The following CGNL1 variants were observed in gnomAD, a reference collection of about 807,000 sequenced individuals.
The protein encoded by CGNL1 is cingulin like 1.
In CGNL1, 132 loss-of-function variants were observed where a neutral mutation model predicts 141.2. That is an observed-to-expected ratio of 0.93 (90% CI 0.81 to 1.08). The LOEUF (loss-of-function observed/expected upper bound fraction) is 1.08, where lower values mean the gene tolerates loss of function less well. CGNL1 is among the 50% of genes least tolerant of loss of function. The probability of loss-of-function intolerance (pLI) is 0.00; values close to 1 mark genes in which losing one functional copy is unlikely to be tolerated. For missense variants in CGNL1, 1,870 were observed against 1,588.6 expected (o/e 1.18, Z -3.01); for synonymous variants, 690 against 622.1 (o/e 1.11, Z -1.63).
intron 16 of CGNL1, 126 bp from the exon 17 acceptor site, chr15:57,545,466 C>G: frequency 2.8e-6 from 2 of 716,292 alleles, no homozygotes; most frequent in Non-Finnish European, 4.6e-6. Context: ...AGTTGTGTTT[C>G]CCTGACCCTA....
intron 8 of CGNL1, among the ~76,000 whole-genome samples, chr15:57,480,696 C>T (rs1278324973): frequency 6.6e-6 from 1 of 152,016 alleles, no homozygotes; most frequent in African/African-American, 2.4e-5. Flanking sequence ...TTAAATGACC[C>T]ATATCCCGTC....
intron 14 of CGNL1, among the ~76,000 whole-genome samples, chr15:57,532,648 G>A (rs1348772879): frequency 3.3e-5 from 5 of 152,216 alleles, no homozygotes; most frequent in African/African-American, 4.8e-5. Flanking sequence ...CACTTGGAAA[G>A]TACTGTTATT....
At chr15:57,453,449 C>T (rs972128123) in intron 6 of CGNL1, among the ~76,000 whole-genome samples, 5 of 152,110 alleles carry the variant, frequency 3.3e-5, no homozygotes, top group African/African-American at 1.2e-4. Flanking sequence ...ATAACCATAC[C>T]CACTTTGTTG....
At chr15:57,507,018 C>T (rs12323972) in intron 8 of CGNL1, among the ~76,000 whole-genome samples, 18,529 of 152,156 alleles carry the variant, frequency 0.12, 1,795 homozygotes, top group East Asian at 0.45. Context: ...TGGGTAGCCA[C>T]CATCGCTATC....
rs1316328807 is a variant in CGNL1 at position 57,442,359 on chromosome 15, T to A, written c.1698-14T>A. 1 of 1,554,058 alleles carries A rather than the reference T, an allele frequency of 6.4e-7. No individual in the cohort carries two copies. Among genetic ancestry groups the A allele is most frequent in the African/African-American group, 1.4e-5 (1 of 73,828 alleles). ...TTGTGTCCCTCATTGTTTTCTCTGC[T>A]GTCCCTTTTTCAGAAGCACTGATAA... On this transcript the variant is annotated splice_polypyrimidine_tract_variant and intron_variant, in intron 3 of 18. Coordinates refer to ENST00000281282, the MANE Select transcript of CGNL1 (RefSeq NM_032866.5).
chr15:57,410,052 C>T (rs1257940255), intron 1 of CGNL1, among the ~76,000 whole-genome samples: 1 of 152,184 alleles, frequency 6.6e-6, no homozygotes, highest in Non-Finnish European at 1.5e-5. Flanking sequence ...GTTTGGGGTT[C>T]TGACCAGTGA....
At chr15:57,496,445 G>A (rs1665205229) in intron 8 of CGNL1, among the ~76,000 whole-genome samples, 1 of 152,104 alleles carries the variant, frequency 6.6e-6, no homozygotes, top group South Asian at 2.1e-4. Flanking sequence ...TTCTCGTTAT[G>A]AGAATCTGTA....
intron 8 of CGNL1, among the ~76,000 whole-genome samples, chr15:57,463,653 G>A (rs1160514030): frequency 6.6e-6 from 1 of 152,210 alleles, no homozygotes; most frequent in Non-Finnish European, 1.5e-5. Flanking sequence ...ATCTGATCGT[G>A]TCAGCCTTTG....
chr15:57,516,401 C>G (rs1212044155), intron 8 of CGNL1, among the ~76,000 whole-genome samples: 1 of 152,144 alleles, frequency 6.6e-6, no homozygotes, highest in East Asian at 1.9e-4. Context: ...AGGTCGAAAT[C>G]CCGTGTAAAG....
intron 8 of CGNL1, among the ~76,000 whole-genome samples, chr15:57,511,462 C>T (rs1243650489): frequency 6.6e-6 from 1 of 152,144 alleles, no homozygotes; most frequent in Non-Finnish European, 1.5e-5. Flanking sequence ...TGTCATTTTG[C>T]ACACATATGG....
chr15:57,418,167 A>C (rs1370936264), intron 1 of CGNL1, among the ~76,000 whole-genome samples: 3 of 152,128 alleles, frequency 2.0e-5, no homozygotes, highest in Admixed American at 1.3e-4. Context: ...TGGATCAGGG[A>C]TGCTGGGTTC....
intron 1 of CGNL1, among the ~76,000 whole-genome samples, chr15:57,424,132 G>A (rs1382893674): frequency 2.6e-5 from 4 of 152,268 alleles, no homozygotes; most frequent in South Asian, 2.1e-4. Flanking sequence ...TCTGCCCTCC[G>A]CGTCTCCCAC....
rs541279548 is a variant in CGNL1 at position 57,502,577 on chromosome 15, C to T, written c.2404-14203C>T. Among the ~76,000 whole-genome samples the T allele has an allele frequency of 7.4e-4, 112 of 152,238 alleles. 1 individual carries two copies. Among genetic ancestry groups the T allele is most frequent in the African/African-American group, 2.6e-3 (108 of 41,538 alleles). On this transcript the variant is annotated intron_variant, in intron 8 of 18. Transcript: ENST00000281282. ...TGGAGAAATGGAAACTTTGGTAGGT[C>T]AGAGAGAGGAAATAACCTTTATCTG...
intron 14 of CGNL1, among the ~76,000 whole-genome samples, chr15:57,539,121 C>T (rs1182535748): frequency 6.6e-6 from 1 of 152,168 alleles, no homozygotes; most frequent in Non-Finnish European, 1.5e-5. Context: ...CGATGCCTGC[C>T]TCTGCTCTGC....
At chr15:57,389,027 T>G (rs531523130) in intron 1 of CGNL1, among the ~76,000 whole-genome samples, 7 of 142,804 alleles carry the variant, frequency 4.9e-5, no homozygotes, top group Non-Finnish European at 6.0e-5. Context: ...TAGAGAGGTG[T>G]TTTTTTTTTC....
chr15:57,536,010 A>T (rs1256644135), intron 14 of CGNL1, among the ~76,000 whole-genome samples: 2 of 152,198 alleles, frequency 1.3e-5, no homozygotes, highest in Non-Finnish European at 2.9e-5. Context: ...GACATACCTG[A>T]GACTGGATAA....
chr15:57,416,328 C>A (rs928748893), intron 1 of CGNL1, among the ~76,000 whole-genome samples: 2 of 151,824 alleles, frequency 1.3e-5, no homozygotes, highest in African/African-American at 2.4e-5. Context: ...CCCAAAGTCT[C>A]ACTGCTTGTT....
chr15:57,498,239 GAA>G (rs2063970247), intron 8 of CGNL1, among the ~76,000 whole-genome samples: 1 of 121,510 alleles, frequency 8.2e-6, no homozygotes, highest in South Asian at 2.9e-4. Context: ...GTTGATTGGG[GAA>G]ACAGTTTTTT....
At chr15:57,454,338 A>G (rs1265865220) in intron 7 of CGNL1, among the ~76,000 whole-genome samples, 1 of 152,184 alleles carries the variant, frequency 6.6e-6, no homozygotes, top group Non-Finnish European at 1.5e-5. Flanking sequence ...ACATAAAGGT[A>G]CTGTGTTAAT....
Sources: allele counts gnomAD v4.1 joint callset (sites outside exome capture counted in the v4.1 genomes callset), GRCh38; gene constraint gnomAD v4.1.1; transcripts MANE v1.5; gene names NCBI Gene and HGNC (gene_info 2026-07-23, HGNC 2026-07-21).